The following CDH13 variants were observed in gnomAD, a reference collection of about 807,000 sequenced individuals.
CDH13 encodes the protein cadherin-13.
CDH13 carries 24 observed loss-of-function variants against 63.8 expected under a neutral mutation model. The ratio of observed to expected loss-of-function variants is 0.38; its 90% CI spans 0.27 to 0.53. The LOEUF is 0.53. CDH13 is among the 20% of genes least tolerant of loss of function. The pLI is 0.85. For missense variants in CDH13, 1,049 were observed against 903.1 expected (o/e 1.16, Z -2.07); for synonymous variants, 503 against 355.3 (o/e 1.42, Z -4.67).
At chr16:82,880,228 C>T (rs959473128) in intron 2 of CDH13, among the ~76,000 whole-genome samples, 3 of 152,028 alleles carry the variant, frequency 2.0e-5, no homozygotes, top group African/African-American at 4.8e-5. Context: ...TCAAGTGCAG[C>T]GTCCTCATGC....
chr16:83,240,024 C>T (rs927689573), intron 5 of CDH13, among the ~76,000 whole-genome samples: 15 of 152,136 alleles, frequency 9.9e-5, no homozygotes, highest in South Asian at 6.2e-4. Context: ...CACAGGTGTA[C>T]AGCCAGCAAG....
chr16:83,699,519 C>T (rs1905890294), intron 10 of CDH13, among the ~76,000 whole-genome samples: 1 of 152,194 alleles, frequency 6.6e-6, no homozygotes, highest in South Asian at 2.1e-4. Context: ...CTTCAAGCTT[C>T]CACTTCTGCA....
intron 4 of CDH13, among the ~76,000 whole-genome samples, chr16:83,179,736 T>A (rs8046602): frequency 6.6e-6 from 1 of 151,990 alleles, no homozygotes; most frequent in African/African-American, 2.4e-5. Flanking sequence ...TGAATTCGTC[T>A]CCCCAGATTT....
intron 2 of CDH13, among the ~76,000 whole-genome samples, chr16:82,860,793 A>T (rs2039913158): frequency 1.3e-5 from 2 of 152,318 alleles, no homozygotes; most frequent in African/African-American, 4.8e-5. Context: ...GCCTATTGAA[A>T]ATAGTTTAGG....
intron 8 of CDH13, 127 bp from the exon 9 acceptor site, chr16:83,670,663 C>T (rs1029751206): frequency 1.2e-4 from 102 of 883,522 alleles, no homozygotes; most frequent in Admixed American, 3.7e-4. Context: ...ATCTTCCAAC[C>T]GTAATCCTCT....
intron 6 of CDH13, among the ~76,000 whole-genome samples, chr16:83,399,823 G>C (rs529284873): frequency 1.3e-5 from 2 of 152,232 alleles, no homozygotes; most frequent in Admixed American, 1.3e-4. Context: ...ATTTAGCACA[G>C]TGCCTCACAC....
At chr16:83,244,471 T>C (rs578020939) in intron 5 of CDH13, among the ~76,000 whole-genome samples, 6 of 152,310 alleles carry the variant, frequency 3.9e-5, no homozygotes, top group African/African-American at 1.2e-4. Flanking sequence ...TCAGAAACTG[T>C]GCTCGGTGTT....
Position 82,893,369 on chromosome 16 carries a change from C to T in CDH13, c.157+34896C>T, listed in dbSNP as rs139424987. 6.7e-3 allele frequency among the ~76,000 whole-genome samples: 1,017 copies of T among 152,226 alleles called. 11 individuals carry two copies. The highest frequency in any genetic ancestry group is 0.023 in the African/African-American group (948 of 41,528). On this transcript the variant is annotated intron_variant, in intron 2 of 13. Transcript: ENST00000567109. Reference sequence around the variant, plus strand: ...ATAGCAGGAAGTATTAATAACATGCCGATTTTTTACTCCAAAAAGAACTGA... The same window carrying T: ...ATAGCAGGAAGTATTAATAACATGCTGATTTTTTACTCCAAAAAGAACTGA...
chr16:83,383,193 C>T (rs2091602693), intron 6 of CDH13: 1 of 152,154 alleles, frequency 6.6e-6, no homozygotes, highest in Non-Finnish European at 1.5e-5. Context: ...AGTTTCAGGT[C>T]ATACGTTCTG....
chr16:83,331,702 A>T (rs1331735182), intron 5 of CDH13, among the ~76,000 whole-genome samples: 2 of 152,314 alleles, frequency 1.3e-5, no homozygotes, highest in African/African-American at 4.8e-5. Flanking sequence ...TTTATTTTTT[A>T]AAAATTGCAT....
At chr16:82,725,733 G>C (rs922300) in intron 1 of CDH13, among the ~76,000 whole-genome samples, 85,491 of 151,908 alleles carry the variant, frequency 0.56, 24,972 homozygotes, top group South Asian at 0.64. Flanking sequence ...AAACTGATTT[G>C]AACACCATCC....
At chr16:83,383,583 C>G (rs1285165342) in intron 6 of CDH13, among the ~76,000 whole-genome samples, 1 of 152,082 alleles carries the variant, frequency 6.6e-6, no homozygotes, top group Non-Finnish European at 1.5e-5. Flanking sequence ...TATATTCATT[C>G]ATTTATTTTT....
rs148068987 is a variant in CDH13, at chr16:82,684,001, G to A, written c.45+56864G>A. Among the ~76,000 whole-genome samples the A allele has an allele frequency of 3.4e-3, 519 of 152,310 alleles. 1 individual carries two copies. The highest frequency in any genetic ancestry group is 5.1e-3 in the Non-Finnish European group (344 of 68,030). On this transcript the variant is annotated intron_variant, in intron 1 of 13. Transcript: ENST00000567109. ...TTAAATCTGCTCTAAGCAGTTGGAT[G>A]GGGAGTGCCTTTTCGCCTGTCTACC...
At chr16:83,716,826 G>T (rs1342979272) in intron 10 of CDH13, among the ~76,000 whole-genome samples, 1 of 152,064 alleles carries the variant, frequency 6.6e-6, no homozygotes, top group African/African-American at 2.4e-5. Flanking sequence ...AAGTCTTCCA[G>T]TCCTTTTCAT....
At chr16:82,885,769 T>C (rs1478652830) in intron 2 of CDH13, among the ~76,000 whole-genome samples, 1 of 152,238 alleles carries the variant, frequency 6.6e-6, no homozygotes, top group Non-Finnish European at 1.5e-5. Flanking sequence ...GCACTTTCTA[T>C]GTAACCTTGG....
intron 1 of CDH13, among the ~76,000 whole-genome samples, chr16:82,803,478 G>C (rs2036974696): frequency 6.6e-6 from 1 of 152,150 alleles, no homozygotes; most frequent in African/African-American, 2.4e-5. Context: ...TGTAATGCCA[G>C]CATATAGGTC....
At chr16:82,690,924 C>T (rs898850636) in intron 1 of CDH13, among the ~76,000 whole-genome samples, 5 of 152,062 alleles carry the variant, frequency 3.3e-5, no homozygotes, top group African/African-American at 1.2e-4. Context: ...TTGCCTGTGG[C>T]AGATAAAGAA....
rs377126123 is a variant in CDH13 at position 83,470,129 on chromosome 16, C to T, written c.782-16348C>T. On this transcript the variant is annotated intron_variant, in intron 6 of 13. Transcript: ENST00000567109. Reference sequence around the variant, plus strand: ...TCAAAGCCCCTGCACACACATACACCTGTGTGCACACTCTCGCTTTGACAT... The same window carrying T: ...TCAAAGCCCCTGCACACACATACACTTGTGTGCACACTCTCGCTTTGACAT... 9.2e-5 allele frequency among the ~76,000 whole-genome samples: 14 copies of T among 152,296 alleles called. No homozygotes were observed. In the South Asian group the frequency reaches 2.7e-3, roughly 29 times the overall value.
intron 10 of CDH13, among the ~76,000 whole-genome samples, chr16:83,696,530 G>A (rs910971995): frequency 3.3e-5 from 5 of 152,146 alleles, no homozygotes; most frequent in African/African-American, 1.2e-4. Context: ...GTGGGGACTT[G>A]GCAGCTGCCA....
Sources: allele counts gnomAD v4.1 joint callset (sites outside exome capture counted in the v4.1 genomes callset), GRCh38; gene constraint gnomAD v4.1.1; transcripts MANE v1.5; gene names NCBI Gene and HGNC (gene_info 2026-07-23, HGNC 2026-07-21).